The following ZNF704 variants were observed in gnomAD, a reference collection of about 807,000 sequenced individuals.
The protein encoded by ZNF704 is zinc finger protein 704.
Under a neutral mutation model 44.7 loss-of-function variants are expected in ZNF704, and 10 were observed. The observed-to-expected ratio is 0.22, with a 90% CI of 0.14 to 0.38. The LOEUF (loss-of-function observed/expected upper bound fraction) is 0.38. ZNF704 is among the 10% of genes least tolerant of loss of function. ZNF704 has a pLI of 1.00. For synonymous variants in ZNF704, 211 were observed against 207.6 expected (o/e 1.02, Z -0.14); for missense variants, 390 against 545.5 (o/e 0.71, Z 2.84).
intron 1 of ZNF704, among the ~76,000 whole-genome samples, chr8:80,852,966 T>C (rs978762172): frequency 1.3e-5 from 2 of 152,218 alleles, no homozygotes; most frequent in Non-Finnish European, 2.9e-5. Context: ...ACTCAAGCAC[T>C]GTTAGGTTGC....
At chr8:80,760,609 TTG>T (rs1179929537) in intron 2 of ZNF704, among the ~76,000 whole-genome samples, 11 of 147,456 alleles carry the variant, frequency 7.5e-5, no homozygotes, top group Non-Finnish European at 1.3e-4. Context: ...TGAGCCGAGA[TTG>T]TGTCACTGTA....
intron 2 of ZNF704, among the ~76,000 whole-genome samples, chr8:80,809,912 C>G (rs2129831310): frequency 6.6e-6 from 1 of 152,206 alleles, no homozygotes; most frequent in Non-Finnish European, 1.5e-5. Context: ...GCATCACCAA[C>G]CATTTTTTCC....
intron 2 of ZNF704, among the ~76,000 whole-genome samples, chr8:80,792,989 G>A (rs965674538): frequency 3.3e-5 from 5 of 152,128 alleles, no homozygotes; most frequent in African/African-American, 4.8e-5. Flanking sequence ...TAATTTGTTC[G>A]CTACACAGCA....
At chr8:80,815,032 G>T (rs1808154509) in intron 2 of ZNF704, among the ~76,000 whole-genome samples, 1 of 152,168 alleles carries the variant, frequency 6.6e-6, no homozygotes, top group Admixed American at 6.5e-5. Flanking sequence ...ATAGGATTTT[G>T]CTTGTAGCTC....
intron 1 of ZNF704, among the ~76,000 whole-genome samples, chr8:80,844,697 T>C (rs957108653): frequency 2.6e-5 from 4 of 152,214 alleles, no homozygotes; most frequent in Non-Finnish European, 5.9e-5. Context: ...CATCTTGGAA[T>C]GAAAATAGTT....
At chr8:80,703,062 A>C (rs1047565860) in intron 2 of ZNF704, among the ~76,000 whole-genome samples, 24 of 152,052 alleles carry the variant, frequency 1.6e-4, no homozygotes, top group African/African-American at 5.8e-4. Flanking sequence ...GAGGCTCCCC[A>C]TTGCCCTCAC....
At chr8:80,750,420 T>C (rs1806921237) in intron 2 of ZNF704, among the ~76,000 whole-genome samples, 1 of 152,218 alleles carries the variant, frequency 6.6e-6, no homozygotes, top group Non-Finnish European at 1.5e-5. Flanking sequence ...ATGCAATATG[T>C]TATTTCAATG....
intron 2 of ZNF704, among the ~76,000 whole-genome samples, chr8:80,727,680 A>AC (rs970717588): frequency 6.6e-6 from 1 of 151,924 alleles, no homozygotes; most frequent in Non-Finnish European, 1.5e-5. Context: ...GCCTCATGAG[A>AC]CCCCGCCCCG....
chr8:80,660,440 C>G (rs1818082336), intron 6 of ZNF704, among the ~76,000 whole-genome samples: 1 of 150,052 alleles, frequency 6.7e-6, no homozygotes, highest in Non-Finnish European at 1.5e-5. Context: ...CCACTGCACT[C>G]CAGCCTGACA....
intron 1 of ZNF704, among the ~76,000 whole-genome samples, chr8:80,868,054 T>C (rs1004128021): frequency 6.6e-6 from 1 of 152,220 alleles, no homozygotes. Flanking sequence ...CCTGTGCTTG[T>C]TATCTCAGCC....
intron 7 of ZNF704, among the ~76,000 whole-genome samples, chr8:80,653,955 G>A (rs563547358): frequency 6.6e-6 from 1 of 152,190 alleles, no homozygotes; most frequent in Non-Finnish European, 1.5e-5. Context: ...CAAGGCTACA[G>A]TAACCAAAAT....
At chr8:80,720,021 T>C (rs1819139211) in intron 2 of ZNF704, among the ~76,000 whole-genome samples, 1 of 152,246 alleles carries the variant, frequency 6.6e-6, no homozygotes, top group Admixed American at 6.5e-5. Flanking sequence ...AGATGTTAAT[T>C]TGTCCAAGGT....
intron 2 of ZNF704, among the ~76,000 whole-genome samples, chr8:80,725,371 T>C (rs191491001): frequency 9.8e-5 from 15 of 152,304 alleles, no homozygotes; most frequent in South Asian, 4.1e-4. Flanking sequence ...ACAATGACCA[T>C]AGATTTTTAG....
At chr8:80,713,608 G>A (rs139102376) in intron 2 of ZNF704, among the ~76,000 whole-genome samples, 293 of 152,320 alleles carry the variant, frequency 1.9e-3, no homozygotes, top group East Asian at 2.7e-3. Flanking sequence ...GGCACCTGCC[G>A]TATGGAGGAA....
chr8:80,741,654 C>G (rs893893695), intron 2 of ZNF704, among the ~76,000 whole-genome samples: 1 of 152,180 alleles, frequency 6.6e-6, no homozygotes, highest in African/African-American at 2.4e-5. Context: ...CGCACTTGTG[C>G]AACTCTTAAC....
intron 7 of ZNF704, among the ~76,000 whole-genome samples, chr8:80,654,071 C>G (rs1817967856): frequency 6.6e-6 from 1 of 152,010 alleles, no homozygotes; most frequent in African/African-American, 2.4e-5. Flanking sequence ...ACAAACCTGA[C>G]AAAAACAAGA....
At chr8:80,822,702 G>T (rs1015111504) in intron 1 of ZNF704, among the ~76,000 whole-genome samples, 2 of 152,066 alleles carry the variant, frequency 1.3e-5, no homozygotes, top group Non-Finnish European at 2.9e-5. Flanking sequence ...ATCCTCTCCA[G>T]CACCTGTTGT....
At chr8:80,850,000 T>C (rs1474999814) in intron 1 of ZNF704, among the ~76,000 whole-genome samples, 1 of 152,210 alleles carries the variant, frequency 6.6e-6, no homozygotes, top group Non-Finnish European at 1.5e-5. Context: ...TTCTATCAGT[T>C]TTTCTAAAAT....
chr8:80,709,272 G>A (rs899979668), intron 2 of ZNF704, among the ~76,000 whole-genome samples: 6 of 151,488 alleles, frequency 4.0e-5, no homozygotes, highest in East Asian at 3.9e-4. Flanking sequence ...GTGAAACCCC[G>A]TCTCTATTAA....
Sources: allele counts gnomAD v4.1 joint callset (sites outside exome capture counted in the v4.1 genomes callset), GRCh38; gene constraint gnomAD v4.1.1; transcripts MANE v1.5; gene names NCBI Gene and HGNC (gene_info 2026-07-23, HGNC 2026-07-21).